Variants in PTPRG observed in about 807,000 individuals in gnomAD.
PTPRG encodes receptor-type tyrosine-protein phosphatase gamma.
Under a neutral mutation model 165.3 loss-of-function variants are expected in PTPRG, and 102 were observed. That is an observed-to-expected ratio of 0.62 (90% CI 0.53 to 0.73). The LOEUF (loss-of-function observed/expected upper bound fraction) is 0.73. Among genes scored for constraint, PTPRG ranks in the 30% least tolerant of loss-of-function variants. The probability of loss-of-function intolerance (pLI) is 0.00; values close to 1 mark genes in which losing one functional copy is unlikely to be tolerated. For synonymous variants in PTPRG, 675 were observed against 669.5 expected (o/e 1.01, Z -0.13); for missense variants, 1,866 against 1,861.4 (o/e 1.00, Z -0.05).
intron 2 of PTPRG, among the ~76,000 whole-genome samples, chr3:61,887,119 C>CGCAT (rs1553686586): frequency 2.9e-5 from 3 of 103,376 alleles, no homozygotes; most frequent in Admixed American, 2.2e-4. Flanking sequence ...ATAACCATAG[C>CGCAT]ATGCATATAT....
At chr3:62,044,162 G>A (rs146380614) in intron 4 of PTPRG, among the ~76,000 whole-genome samples, 15 of 152,346 alleles carry the variant, frequency 9.8e-5, no homozygotes, top group African/African-American at 3.6e-4. Context: ...GATGAAGAGT[G>A]CCGCTTCTTA....
intron 2 of PTPRG, among the ~76,000 whole-genome samples, chr3:61,951,954 C>G (rs1022882474): frequency 5.9e-5 from 9 of 151,938 alleles, no homozygotes. Context: ...CCTGTCTTTA[C>G]TAAAAATACA....
intron 5 of PTPRG, among the ~76,000 whole-genome samples, chr3:62,078,695 A>G (rs1398598323): frequency 6.6e-6 from 1 of 152,142 alleles, no homozygotes; most frequent in Non-Finnish European, 1.5e-5. Flanking sequence ...AGAAATCCCC[A>G]TAGTAACTAA....
At chr3:62,110,484 C>T (rs1054453517) in intron 5 of PTPRG, among the ~76,000 whole-genome samples, 1 of 151,646 alleles carries the variant, frequency 6.6e-6, no homozygotes, top group Non-Finnish European at 1.5e-5. Context: ...CATTTATCCA[C>T]TCAGTAGAGA....
chr3:61,949,637 A>T (rs1302120464), intron 2 of PTPRG, among the ~76,000 whole-genome samples: 3 of 152,130 alleles, frequency 2.0e-5, no homozygotes, highest in African/African-American at 7.2e-5. Context: ...CATGACTGTC[A>T]AATGCCAGCT....
chr3:61,707,041 G>A (rs920735997), intron 1 of PTPRG, among the ~76,000 whole-genome samples: 2 of 152,032 alleles, frequency 1.3e-5, no homozygotes, highest in African/African-American at 4.8e-5. Flanking sequence ...TCTCTTAGAA[G>A]TCTATACAGG....
chr3:61,628,048 A>G (rs1701660063), intron 1 of PTPRG, among the ~76,000 whole-genome samples: 1 of 152,176 alleles, frequency 6.6e-6, no homozygotes. Context: ...ATAAGCCAGG[A>G]TTTATGGACA....
intron 14 of PTPRG, among the ~76,000 whole-genome samples, chr3:62,232,747 C>G (rs1482121312): frequency 6.6e-6 from 1 of 152,244 alleles, no homozygotes; most frequent in African/African-American, 2.4e-5. Context: ...ATCTTCTCTG[C>G]TGCTCAGTGA....
At chr3:62,055,431 A>G (rs1700601568) in intron 4 of PTPRG, among the ~76,000 whole-genome samples, 1 of 152,222 alleles carries the variant, frequency 6.6e-6, no homozygotes, top group Non-Finnish European at 1.5e-5. Flanking sequence ...GCTTTATTTT[A>G]TCACAACTGC....
chr3:62,194,218 A>T, intron 9 of PTPRG, among the ~76,000 whole-genome samples: 1 of 152,236 alleles, frequency 6.6e-6, no homozygotes, highest in East Asian at 1.9e-4. Context: ...AAAAACAGAC[A>T]GTGGGCCACA....
chr3:61,978,003 C>CA (rs1345443694), intron 2 of PTPRG, among the ~76,000 whole-genome samples: 1 of 152,158 alleles, frequency 6.6e-6, no homozygotes, highest in African/African-American at 2.4e-5. Context: ...AGGCACCTGC[C>CA]ACCACACTCA....
At position 61,592,641 on chromosome 3, in the gene PTPRG, C is replaced by CTTTTTTTTTTTTTTTTTTTTT. The variant is rs773860673; in HGVS notation, c.85+30272_85+30273insTTTTTTTTTTTTTTTTTTTTT. Among the ~76,000 whole-genome samples the CTTTTTTTTTTTTTTTTTTTTT allele has an allele frequency of 5.0e-5, 7 of 140,008 alleles. 1 individual carries two copies. Among genetic ancestry groups the CTTTTTTTTTTTTTTTTTTTTT allele is most frequent in the African/African-American group, 1.1e-4 (4 of 35,306 alleles). 91.9% of individuals were successfully genotyped at this position (140,008 alleles called of 152,430 possible). The stretch of plus-strand genomic sequence containing the variant: ...CTTTTCTCTCTCTTTTTCTTTCTTT[C>CTTTTTTTTTTTTTTTTTTTTT]TTTCTTTCTTTTTTTTTTTTTTTAA... On this transcript the variant is annotated intron_variant, in intron 1 of 29. Transcript: ENST00000474889.
intron 1 of PTPRG, among the ~76,000 whole-genome samples, chr3:61,596,053 T>C (rs753149335): frequency 1.3e-5 from 2 of 152,232 alleles, no homozygotes; most frequent in Non-Finnish European, 2.9e-5. Context: ...TTGCACAATC[T>C]CCATTTGTAT....
intron 4 of PTPRG, among the ~76,000 whole-genome samples, chr3:62,067,037 T>TGAAAA: frequency 2.1e-5 from 1 of 48,180 alleles, no homozygotes; most frequent in South Asian, 7.2e-4. Flanking sequence ...AGATTCTGAC[T>TGAAAA]CAAAAAAAAA....
chr3:61,753,393 T>C (rs1290343910), intron 2 of PTPRG, among the ~76,000 whole-genome samples: 1 of 152,200 alleles, frequency 6.6e-6, no homozygotes. Context: ...ATTTCTTTTC[T>C]ATTAATTTTA....
At chr3:61,786,465 T>C (rs904611125) in intron 2 of PTPRG, among the ~76,000 whole-genome samples, 5 of 152,178 alleles carry the variant, frequency 3.3e-5, no homozygotes, top group African/African-American at 1.2e-4. Flanking sequence ...TATGGTTCTT[T>C]ATCTTTCAAG....
At chr3:62,167,899 A>C in intron 7 of PTPRG, 72 bp from the exon 8 acceptor site, 1 of 1,455,988 alleles carries the variant, frequency 6.9e-7, no homozygotes, top group Non-Finnish European at 9.6e-7. Context: ...TGGACCAAAT[A>C]GCTTTTCTAA....
chr3:61,651,126 C>G (rs1011546563), intron 1 of PTPRG, among the ~76,000 whole-genome samples: 2 of 151,354 alleles, frequency 1.3e-5, no homozygotes, highest in Non-Finnish European at 2.9e-5. Flanking sequence ...TATTTGGACA[C>G]TCTTTCTCTT....
intron 4 of PTPRG, among the ~76,000 whole-genome samples, chr3:62,076,131 A>G (rs9877335): frequency 0.038 from 5,838 of 152,042 alleles, 350 homozygotes; most frequent in African/African-American, 0.13. Flanking sequence ...ATATATATGT[A>G]TAAAAACTAG....
Sources: allele counts gnomAD v4.1 joint callset (sites outside exome capture counted in the v4.1 genomes callset), GRCh38; gene constraint gnomAD v4.1.1; transcripts MANE v1.5; gene names NCBI Gene and HGNC (gene_info 2026-07-23, HGNC 2026-07-21).